Variants in RYR1 observed in about 807,000 individuals in gnomAD.
The protein encoded by RYR1 is ryanodine receptor 1.
RYR1 carries 342 observed loss-of-function variants against 583.5 expected under a neutral mutation model. That is an observed-to-expected ratio of 0.59 (90% CI 0.54 to 0.64). The LOEUF (loss-of-function observed/expected upper bound fraction) is 0.64. Ranked by LOEUF, RYR1 falls within the 30% of genes least tolerant of loss-of-function variation. The pLI is 0.00. For missense variants in RYR1, 6,032 were observed against 6,917.2 expected (o/e 0.87, Z 4.54); for synonymous variants, 2,791 against 2,822.5 (o/e 0.99, Z 0.35).
chr19:38,500,580 C>T lies in RYR1; in HGVS notation c.7324-26C>T, dbSNP rs1970062501. ...GTGGGGCACCAGCGCCTGATGAGTGCCCCTCTCCCTCCCTCTACTCCCCAG... is the reference window on the plus strand; with the variant it reads ...GTGGGGCACCAGCGCCTGATGAGTGTCCCTCTCCCTCCCTCTACTCCCCAG... On this transcript the variant is annotated intron_variant, in intron 45 of 105. Coordinates refer to ENST00000359596, the MANE Select transcript of RYR1 (RefSeq NM_000540.3). The surrounding 1 kb of genome is among the most constrained non-coding windows in gnomAD (Gnocchi z 5.9). 1 of 1,611,652 alleles carries T rather than the reference C, an allele frequency of 6.2e-7. No homozygotes were observed.
At chr19:38,555,856 T>C (rs1972856217) in intron 89 of RYR1, among the ~76,000 whole-genome samples, 2 of 152,170 alleles carry the variant, frequency 1.3e-5, no homozygotes, top group South Asian at 4.1e-4. Context: ...GCAATATGTA[T>C]ATTTTTAAAT....
chr19:38,518,496 G>C (rs998193512), intron 66 of RYR1, among the ~76,000 whole-genome samples: 1 of 152,158 alleles, frequency 6.6e-6, no homozygotes, highest in African/African-American at 2.4e-5. Flanking sequence ...TCAGAGGCCA[G>C]GGTAAGGGGC....
In RYR1 at chr19:38,443,608, G is replaced by C. The variant is rs776053008; in HGVS notation, c.321G>C (p.Leu107=). The C allele has an allele frequency of 2.5e-6, 4 of 1,614,104 alleles. No individual in the cohort carries two copies. In the East Asian group the frequency reaches 8.9e-5, roughly 36 times the overall value. The change falls in exon 4 of 106, where the codon CTG becomes CTC. Residue 107 remains leucine (L), a synonymous_variant. Transcript: ENST00000359596. ...CGCTCCTGTATGGCCATGCCATCCTGCTCCGGCATGCACACAGCCGCATGG... is the reference window on the plus strand; with the variant it reads ...CGCTCCTGTATGGCCATGCCATCCTCCTCCGGCATGCACACAGCCGCATGG... The part of the protein sequence containing the change: ...HRTLLYGHAI[L]LRHAHSRMYL...
chr19:38,492,478 G>C lies in RYR1; in HGVS notation c.6128-12G>C. The C allele has an allele frequency of 6.2e-7, 1 of 1,613,434 alleles. No individual in the cohort carries two copies. Among genetic ancestry groups the C allele is most frequent in the Non-Finnish European group, 8.5e-7 (1 of 1,179,704 alleles). On this transcript the variant is annotated splice_polypyrimidine_tract_variant and intron_variant, in intron 37 of 105. Coordinates refer to ENST00000359596, the MANE Select transcript of RYR1 (RefSeq NM_000540.3). ...AATGAATGACATTTCCCGCCTTCTT[G>C]ACCACTTCCAGGAATTCAGCTAGAT...
chr19:38,471,007 C>G (rs2031489190), intron 27 of RYR1, among the ~76,000 whole-genome samples: 1 of 152,202 alleles, frequency 6.6e-6, no homozygotes, highest in South Asian at 2.1e-4. Flanking sequence ...CCTGGAAATA[C>G]ACACAGCCAT....
intron 28 of RYR1, among the ~76,000 whole-genome samples, 185 bp downstream of exon 28, chr19:38,473,956 A>C (rs942554258): frequency 3.3e-5 from 5 of 152,184 alleles, no homozygotes; most frequent in Admixed American, 6.5e-5. Context: ...GGGATGCCCT[A>C]ATGTCCCCAA....
chr19:38,563,070 G>A (rs938915174), intron 90 of RYR1, among the ~76,000 whole-genome samples: 1 of 152,144 alleles, frequency 6.6e-6, no homozygotes, highest in Non-Finnish European at 1.5e-5. Flanking sequence ...CGTGCTGGGG[G>A]AGCTCTGCCC....
Position 38,543,701 on chromosome 19 carries a change from G to C in RYR1, c.11907+41G>C. ...TGGGGCGGGAGTGGGAAGGGAGGGG[G>C]TCCCGCATCGTGATCCCTGATCCCT... On this transcript the variant is annotated intron_variant, in intron 86 of 105. Coordinates refer to ENST00000359596, the MANE Select transcript of RYR1 (RefSeq NM_000540.3). This position sits in a 1 kb window ranked among gnomAD's most constrained non-coding sequence, Gnocchi z 4.4. The C allele has an allele frequency of 6.2e-7, 1 of 1,611,690 alleles. No individual in the cohort carries two copies. Among genetic ancestry groups the C allele is most frequent in the Non-Finnish European group, 8.5e-7 (1 of 1,179,954 alleles).
chr19:38,463,943 A>G, intron 22 of RYR1, 93 bp downstream of exon 22: 2 of 959,072 alleles, frequency 2.1e-6, no homozygotes, highest in Non-Finnish European at 3.3e-6. Flanking sequence ...AGAGACTGAG[A>G]GAGAGAAGGA....
intron 1 of RYR1, among the ~76,000 whole-genome samples, chr19:38,440,534 A>G (rs1972622061): frequency 1.3e-5 from 2 of 152,200 alleles, no homozygotes; most frequent in Non-Finnish European, 2.9e-5. Flanking sequence ...GACTATTTCA[A>G]ATAAATAAAT....
rs1471344957 is a variant in RYR1 at position 38,543,336 on chromosome 19, C to A, written c.11690-11C>A. 8 of 1,613,710 alleles carry A rather than the reference C, an allele frequency of 5.0e-6. No individual in the cohort carries two copies. The highest frequency in any genetic ancestry group is 6.8e-6 in the Non-Finnish European group (8 of 1,179,588). ...GGGAGGTGCTGGATAAATGACTTTT[C>A]ATCTCCCCAGATTTCCAGAACTACC... On this transcript the variant is annotated splice_polypyrimidine_tract_variant and intron_variant, in intron 84 of 105. Transcript: ENST00000359596. This position sits in a 1 kb window ranked among gnomAD's most constrained non-coding sequence, Gnocchi z 4.4.
At chr19:38,572,619 T>C (rs1191464165) in intron 95 of RYR1, among the ~76,000 whole-genome samples, 2 of 152,078 alleles carry the variant, frequency 1.3e-5, no homozygotes, top group African/African-American at 4.8e-5. Flanking sequence ...TGCTTCCACC[T>C]CCTTGCACCT....
At chr19:38,535,657 G>A in intron 81 of RYR1, 2 of 597,778 alleles carry the variant, frequency 3.3e-6, no homozygotes, top group Non-Finnish European at 5.9e-6. Flanking sequence ...ACTTGGCAGT[G>A]GGAGATTTAG....
At chr19:38,585,621 A>G (rs1231787159) in intron 102 of RYR1, among the ~76,000 whole-genome samples, 1 of 151,566 alleles carries the variant, frequency 6.6e-6, no homozygotes, top group Admixed American at 6.6e-5. Flanking sequence ...CTACAGGCAC[A>G]TGCTACCACA....
At chr19:38,495,538 G>A (rs1245753199) in intron 39 of RYR1, among the ~76,000 whole-genome samples, 1 of 152,032 alleles carries the variant, frequency 6.6e-6, no homozygotes, top group Non-Finnish European at 1.5e-5. Flanking sequence ...GTAGAGGTAG[G>A]GTCTTGCTAT....
At chr19:38,446,339 C>A in intron 7 of RYR1, 133 bp from the exon 8 acceptor site, 1 of 722,516 alleles carries the variant, frequency 1.4e-6, no homozygotes. Flanking sequence ...AAACTCAGAC[C>A]TCCAACTGCA....
intron 16 of RYR1, 49 bp downstream of exon 16, chr19:38,455,800 C>T (rs753976071): frequency 5.9e-6 from 7 of 1,182,116 alleles, no homozygotes; most frequent in South Asian, 3.6e-5. Context: ...TGAATGCTGG[C>T]CTCTCCCCAG....
At chr19:38,574,293 G>GAAAAAAAAAAAAA (rs61299111) in intron 96 of RYR1, among the ~76,000 whole-genome samples, 1 of 137,110 alleles carries the variant, frequency 7.3e-6, no homozygotes, top group African/African-American at 2.7e-5. Context: ...AAAAAGAAAG[G>GAAAAAAAAAAAAA]AAAAAAAAAA....
At position 38,458,075 on chromosome 19, in the gene RYR1, C is replaced by A. The variant is rs1197303247; in HGVS notation, c.1950C>A (p.Gly650=). 1 of 1,613,754 alleles carries A rather than the reference C, an allele frequency of 6.2e-7. No homozygotes were observed. Among genetic ancestry groups the A allele is most frequent in the Admixed American group, 1.7e-5 (1 of 60,008 alleles). The change falls in exon 18 of 106, where the codon GGC becomes GGA. Residue 650 remains glycine (G), a synonymous_variant. Transcript: ENST00000359596. ...GCATCCGCCCCAACATCTTTGTGGG[C>A]CGAGCGGAAGGCACCACGCAGTACA... is the stretch of plus-strand genomic sequence containing the variant. ...VTSIRPNIFV[G]RAEGTTQYSK...
Sources: gnomAD v4.1 joint callset for allele counts (sites outside exome capture counted in the v4.1 genomes callset) on GRCh38, gnomAD v4.1.1 for gene constraint, Gnocchi (gnomAD v3.1) non-coding constraint, MANE v1.5 for transcripts, NCBI Gene and HGNC (gene_info 2026-07-23, HGNC 2026-07-21) for gene names.